The following PTPRK variants were observed in gnomAD, a reference collection of about 807,000 sequenced individuals.
The protein encoded by PTPRK is protein tyrosine phosphatase receptor type K.
Under a neutral mutation model 178.0 loss-of-function variants are expected in PTPRK, and 75 were observed. That is an observed-to-expected ratio of 0.42 (90% CI 0.35 to 0.51). The LOEUF (loss-of-function observed/expected upper bound fraction) is 0.51, where lower values mean the gene tolerates loss of function less well. Among genes scored for constraint, PTPRK ranks in the 20% least tolerant of loss-of-function variants. PTPRK has a pLI of 0.02. For missense variants in PTPRK, 1,441 were observed against 1,797.8 expected (o/e 0.80, Z 3.59); for synonymous variants, 637 against 620.6 (o/e 1.03, Z -0.39).
Position 128,447,427 on chromosome 6 carries a change from C to CT in PTPRK, c.101-49740dup, listed in dbSNP as rs146733544. On this transcript the variant is annotated intron_variant, in intron 1 of 29. Transcript: ENST00000368226. ...TCACAAAACCACTAGGAGTTGGCTACTTTTTTTATCTCTAATTTACAGTAG... is the reference window on the plus strand; with the variant it reads ...TCACAAAACCACTAGGAGTTGGCTACTTTTTTTTATCTCTAATTTACAGTAG... Among the ~76,000 whole-genome samples the CT allele has an allele frequency of 1.1e-3, 160 of 152,222 alleles. 3 individuals carry two copies. In the East Asian group the frequency reaches 0.022, roughly 21 times the overall value.
intron 2 of PTPRK, among the ~76,000 whole-genome samples, chr6:128,379,616 C>A (rs778620328): frequency 2.6e-5 from 4 of 152,186 alleles, no homozygotes; most frequent in Admixed American, 2.6e-4. Context: ...ATAAGAAGTT[C>A]TTTGGCAGAA....
At chr6:128,230,224 A>G (rs1259430889) in intron 5 of PTPRK, among the ~76,000 whole-genome samples, 2 of 152,212 alleles carry the variant, frequency 1.3e-5, no homozygotes, top group African/African-American at 4.8e-5. Flanking sequence ...CAATCAGCAA[A>G]ATGTGGACAG....
At chr6:128,492,226 A>G (rs1370129530) in intron 1 of PTPRK, among the ~76,000 whole-genome samples, 1 of 152,032 alleles carries the variant, frequency 6.6e-6, no homozygotes, top group African/African-American at 2.4e-5. Flanking sequence ...AACCCTCCTC[A>G]TTGGCTCTGA....
In PTPRK at chr6:128,170,903, CA is replaced by C. The variant is rs201323667; in HGVS notation, c.1162+13528del. Among the ~76,000 whole-genome samples, 4,662 of 129,570 alleles carry C rather than the reference CA, an allele frequency of 0.036. 386 individuals are homozygous for C. The East Asian group carries it at 0.38, about 11-fold the overall frequency. The allele number at this position is 129,570 out of a possible 152,430, so 85.0% of individuals were successfully genotyped here. On this transcript the variant is annotated intron_variant, in intron 7 of 29. Transcript: ENST00000368226. ...TTAGACATAAGCCCTAGTAAGAAAGCAAAAAAAAAAAAACTGTTAACACTTA... is the reference window on the plus strand; with the variant it reads ...TTAGACATAAGCCCTAGTAAGAAAGCAAAAAAAAAAAACTGTTAACACTTA...
intron 13 of PTPRK, among the ~76,000 whole-genome samples, chr6:128,040,326 G>C (rs1388725201): frequency 6.6e-6 from 1 of 152,054 alleles, no homozygotes; most frequent in African/African-American, 2.4e-5. Flanking sequence ...TCAAAACCAA[G>C]ATGATGGTGA....
At chr6:128,123,442 G>A (rs1792805064) in intron 7 of PTPRK, among the ~76,000 whole-genome samples, 1 of 152,116 alleles carries the variant, frequency 6.6e-6, no homozygotes, top group South Asian at 2.1e-4. Flanking sequence ...AGGCCTGCAT[G>A]TACACAGGCT....
At position 127,998,783 on chromosome 6, in the gene PTPRK, A is replaced by G. The variant is rs755039539; in HGVS notation, c.2616T>C (p.Asp872=). 3.7e-6 allele frequency: 6 copies of G among 1,610,282 alleles called. No homozygotes were observed. Among genetic ancestry groups the G allele is most frequent in the Non-Finnish European group, 5.1e-6 (6 of 1,177,712 alleles). The part of the protein sequence containing the change: ...GQLHPAIRVA[D]LLQHINLMKT... ...TCATGAGATTAATGTGCTGCAGTAA[A>G]TCAGCTACCCTGATGGCTGGATGCA... Residue 872 remains aspartate, a synonymous_variant, in exon 16 of 30, where the codon GAT becomes GAC. Coordinates refer to ENST00000368226, the MANE Select transcript of PTPRK (RefSeq NM_002844.4).
chr6:128,187,550 C>A (rs1802989922), intron 6 of PTPRK, among the ~76,000 whole-genome samples: 2 of 152,132 alleles, frequency 1.3e-5, no homozygotes, highest in African/African-American at 4.8e-5. Context: ...TTGCTTTGTT[C>A]TGTTTTGCCA....
intron 3 of PTPRK, among the ~76,000 whole-genome samples, chr6:128,293,130 A>G (rs547852534): frequency 2.6e-5 from 4 of 152,274 alleles, no homozygotes; most frequent in South Asian, 2.1e-4. Context: ...TGCAATAAAT[A>G]TATCAGTATA....
chr6:128,337,575 T>C (rs1831113016), intron 2 of PTPRK, among the ~76,000 whole-genome samples: 1 of 152,158 alleles, frequency 6.6e-6, no homozygotes, highest in African/African-American at 2.4e-5. Flanking sequence ...AAAAGGATCA[T>C]GTGATGTAAA....
intron 7 of PTPRK, among the ~76,000 whole-genome samples, chr6:128,150,267 A>G (rs1797065757): frequency 6.6e-6 from 1 of 152,162 alleles, no homozygotes; most frequent in Non-Finnish European, 1.5e-5. Flanking sequence ...AATATCACAT[A>G]AAATCATTTC....
intron 1 of PTPRK, chr6:128,472,690 A>G: frequency 2.8e-6 from 1 of 353,582 alleles, no homozygotes; most frequent in Non-Finnish European, 5.6e-6. Flanking sequence ...CCAATATTTC[A>G]ATAATATATA....
chr6:128,242,174 T>G lies in PTPRK; in HGVS notation c.577+347A>C, dbSNP rs1814590569. ...AGGCTTCTTTATATTTTCCTTTCTG[T>G]TGAACTCTGATTTGCTATTCTTCTC... On this transcript the variant is annotated intron_variant, in intron 4 of 29. Transcript: ENST00000368226. Among the ~76,000 whole-genome samples, 4 of 152,164 alleles carry G rather than the reference T, an allele frequency of 2.6e-5. No homozygotes were observed. The South Asian group carries it at 8.3e-4, about 31-fold the overall frequency.
intron 15 of PTPRK, among the ~76,000 whole-genome samples, chr6:127,999,581 G>T (rs1262389132): frequency 6.6e-6 from 1 of 151,996 alleles, no homozygotes; most frequent in African/African-American, 2.4e-5. Context: ...AGAGAAATCA[G>T]GGCGCGCTTC....
At chr6:128,231,788 A>C (rs1416643498) in intron 5 of PTPRK, among the ~76,000 whole-genome samples, 2 of 152,244 alleles carry the variant, frequency 1.3e-5, no homozygotes, top group East Asian at 3.8e-4. Flanking sequence ...AAAACTAGAA[A>C]TTGAAAAAAC....
chr6:128,083,406 T>C (rs1351110146), intron 9 of PTPRK, among the ~76,000 whole-genome samples: 2 of 151,944 alleles, frequency 1.3e-5, no homozygotes, highest in Non-Finnish European at 2.9e-5. Context: ...AAATGAGGGT[T>C]TTTTAATATG....
intron 5 of PTPRK, among the ~76,000 whole-genome samples, chr6:128,234,696 G>A (rs551085351): frequency 1.3e-5 from 2 of 152,268 alleles, no homozygotes; most frequent in South Asian, 2.1e-4. Context: ...TTGTTTGAAT[G>A]AGCCACAAAT....
chr6:128,130,450 G>A (rs1794045654), intron 7 of PTPRK, among the ~76,000 whole-genome samples: 1 of 152,098 alleles, frequency 6.6e-6, no homozygotes, highest in Non-Finnish European at 1.5e-5. Flanking sequence ...AAATCTAGAA[G>A]CCTTGCTCAC....
intron 5 of PTPRK, among the ~76,000 whole-genome samples, chr6:128,236,572 C>G (rs1295836071): frequency 6.6e-6 from 1 of 152,062 alleles, no homozygotes; most frequent in Admixed American, 6.5e-5. Context: ...TGGTCTCCAA[C>G]TCCTGACCTC....
Sources: allele counts gnomAD v4.1 joint callset (sites outside exome capture counted in the v4.1 genomes callset), GRCh38; gene constraint gnomAD v4.1.1; transcripts MANE v1.5; gene names NCBI Gene and HGNC (gene_info 2026-07-23, HGNC 2026-07-21).